Variants in ANKDD1A observed in about 807,000 individuals in gnomAD.
The protein encoded by ANKDD1A is ankyrin repeat and death domain containing 1A.
A neutral mutation model predicts 63.5 loss-of-function variants in ANKDD1A; 59 were observed. The ratio of observed to expected loss-of-function variants is 0.93; its 90% CI spans 0.75 to 1.15. The LOEUF (loss-of-function observed/expected upper bound fraction) is 1.15, where lower values mean the gene tolerates loss of function less well. Among genes scored for constraint, ANKDD1A ranks in the 50% most tolerant of loss-of-function variants. The pLI is 0.00. For missense variants in ANKDD1A, 632 were observed against 656.4 expected (o/e 0.96, Z 0.41); for synonymous variants, 266 against 263.9 (o/e 1.01, Z -0.08).
At chr15:64,918,435 G>A (rs972818137) in intron 3 of ANKDD1A, among the ~76,000 whole-genome samples, 1 of 152,128 alleles carries the variant, frequency 6.6e-6, no homozygotes, top group African/African-American at 2.4e-5. Context: ...CCCCAATCCT[G>A]TCTCCTCCCT....
chr15:64,951,340 C>CCTCTTT, intron 14 of ANKDD1A: 1 of 584,464 alleles, frequency 1.7e-6, no homozygotes, highest in Admixed American at 1.4e-4. Flanking sequence ...CTTTTTCTTT[C>CCTCTTT]TTCTTTCCTC....
intron 14 of ANKDD1A, among the ~76,000 whole-genome samples, chr15:64,951,984 ATTC>A (rs201296540): frequency 0.015 from 1,296 of 87,856 alleles, 9 homozygotes; most frequent in African/African-American, 0.023. Context: ...CTTCCTTCTT[ATTC>A]TTCTTTCTTT....
At chr15:64,935,450 C>T (rs572868813) in intron 9 of ANKDD1A, among the ~76,000 whole-genome samples, 21 of 151,886 alleles carry the variant, frequency 1.4e-4, no homozygotes, top group Admixed American at 9.8e-4. Context: ...CCGAGGCGGG[C>T]GGATCACGAG....
At chr15:64,953,615 C>CTTCTTCTTCTTCTTCTTAGTTCTTCTTAG (rs1555397855) in intron 14 of ANKDD1A, among the ~76,000 whole-genome samples, 3,141 of 108,956 alleles carry the variant, frequency 0.029, 206 homozygotes, top group African/African-American at 0.11. Flanking sequence ...TTCTTCTCTC[C>CTTCTTCTTCTTCTTCTTAGTTCTTCTTAG]TTCTTCTTCT....
At chr15:64,949,999 T>C in intron 14 of ANKDD1A, 27 bp downstream of exon 14, 1 of 1,601,878 alleles carries the variant, frequency 6.2e-7, no homozygotes. Context: ...CTGGGCTGCT[T>C]CTCAGGAGCT....
intron 4 of ANKDD1A, 56 bp from the exon 5 acceptor site, chr15:64,926,010 G>A: frequency 1.3e-6 from 2 of 1,487,978 alleles, no homozygotes; most frequent in Non-Finnish European, 1.8e-6. Flanking sequence ...GACTGGCAGT[G>A]TGTGAAAAGG....
chr15:64,943,600 C>T lies in ANKDD1A; in HGVS notation c.1065+18C>T. The stretch of plus-strand genomic sequence containing the variant: ...GAGATAAGGTACCTCTGCTTACAAC[C>T]CACCTCGCTTCAGGCTTTCATGGCT... On this transcript the variant is annotated intron_variant, in intron 11 of 14. Transcript: ENST00000319580. 1 of 1,611,602 alleles carries T rather than the reference C, an allele frequency of 6.2e-7. No individual in the cohort carries two copies. The highest frequency in any genetic ancestry group is 8.5e-7 in the Non-Finnish European group (1 of 1,177,726).
Position 64,917,329 on chromosome 15 carries a change from TG to T in ANKDD1A, c.139-55del, listed in dbSNP as rs1163884815. On this transcript the variant is annotated intron_variant, in intron 2 of 14. Coordinates refer to ENST00000319580, the MANE Select transcript of ANKDD1A (RefSeq NM_182703.6). Reference sequence around the variant, plus strand: ...CTGTCCTGGGGGAGGGTGTGGGAGGTGGTCCAGGCAGCCAGGTGGCAGCAGC... The same window carrying T: ...CTGTCCTGGGGGAGGGTGTGGGAGGTGTCCAGGCAGCCAGGTGGCAGCAGC... 9.8e-6 allele frequency: 15 copies of T among 1,529,842 alleles called. No homozygotes were observed. The East Asian group carries it at 3.3e-4, about 33-fold the overall frequency. The allele number at this position is 1,529,842 out of a possible 1,614,324, so 94.8% of individuals were successfully genotyped here.
chr15:64,942,231 T>A (rs1488020664), intron 9 of ANKDD1A, among the ~76,000 whole-genome samples: 4 of 152,200 alleles, frequency 2.6e-5, no homozygotes, highest in African/African-American at 9.6e-5. Context: ...GTTCCTGATA[T>A]AGCAGGTCTC....
In ANKDD1A at chr15:64,917,519, GTGTCTGTC is replaced by G. The variant is rs3057940; in HGVS notation, c.267+19_267+26del. 3.3e-6 allele frequency: 5 copies of G among 1,529,110 alleles called. No individual in the cohort carries two copies. The highest frequency in any genetic ancestry group is 2.5e-5 in the South Asian group (2 of 79,624). The allele number at this position is 1,529,110 out of a possible 1,614,324, so 94.7% of individuals were successfully genotyped here. ...CTCACAGAGGCACGTCTGTGTGTAC[GTGTCTGTC>G]TGTCTGTCTGTCTCAGGGTGGTGGG... On this transcript the variant is annotated splice_donor_region_variant and intron_variant, in intron 3 of 14. Coordinates refer to ENST00000319580, the MANE Select transcript of ANKDD1A (RefSeq NM_182703.6).
At chr15:64,915,203 G>A (rs900138888) in intron 1 of ANKDD1A, among the ~76,000 whole-genome samples, 1 of 152,184 alleles carries the variant, frequency 6.6e-6, no homozygotes, top group Non-Finnish European at 1.5e-5. Context: ...TACCGAGGAG[G>A]CTGAGGTGGG....
In ANKDD1A at chr15:64,929,201, T is replaced by TGCC. The variant is rs1359758761; in HGVS notation, c.571-1621_571-1620insGCC. 3.3e-5 allele frequency among the ~76,000 whole-genome samples: 5 copies of TGCC among 152,278 alleles called. No homozygotes were observed. The East Asian group carries it at 9.6e-4, about 29-fold the overall frequency. ...AATTCAATTTTTTTTTGAGACAAGA[T>TGCC]CTTACTCTGTTGCCCAGGCTGGAGT... is the stretch of plus-strand genomic sequence containing the variant. On this transcript the variant is annotated intron_variant, in intron 6 of 14. Coordinates refer to ENST00000319580, the MANE Select transcript of ANKDD1A (RefSeq NM_182703.6).
In ANKDD1A at chr15:64,922,005, C is replaced by T; in HGVS notation, c.352C>T (p.His118Tyr). ...QILVNSGAKI[H>Y]CESKDGLTLL... Reference sequence around the variant, plus strand: ...CTTGGTAAACTCAGGGGCCAAGATCCACTGTGAGAGCAAGGTAAGGCCTCA... The same window carrying T: ...CTTGGTAAACTCAGGGGCCAAGATCTACTGTGAGAGCAAGGTAAGGCCTCA... The change falls in exon 4 of 15, where the codon CAC (histidine) becomes TAC (tyrosine). Residue 118 changes from histidine to tyrosine, a missense_variant. By Grantham distance (83) the His-to-Tyr change is moderately conservative. Transcript: ENST00000319580. 6.2e-7 allele frequency: 1 copy of T among 1,614,168 alleles called. No individual in the cohort carries two copies. Among genetic ancestry groups the T allele is most frequent in the Non-Finnish European group, 8.5e-7 (1 of 1,180,008 alleles).
chr15:64,953,970 CT>C (rs1566918178), intron 14 of ANKDD1A, among the ~76,000 whole-genome samples: 6 of 15,622 alleles, frequency 3.8e-4, no homozygotes, highest in South Asian at 2.0e-3. Context: ...TTTTTTTCTT[CT>C]TTCTTCCTCT....
At chr15:64,927,901 G>A (rs2001634) in intron 6 of ANKDD1A, among the ~76,000 whole-genome samples, 6,448 of 152,124 alleles carry the variant, frequency 0.042, 473 homozygotes, top group African/African-American at 0.15. Context: ...CATCGCGCCC[G>A]GCCTGTTACA....
intron 12 of ANKDD1A, among the ~76,000 whole-genome samples, chr15:64,946,688 G>A (rs541144195): frequency 6.6e-6 from 1 of 152,250 alleles, no homozygotes; most frequent in South Asian, 2.1e-4. Flanking sequence ...GTGCAGATGG[G>A]GCTGAAAACA....
chr15:64,951,464 CT>C (rs1449876805), intron 14 of ANKDD1A: 4 of 32,134 alleles, frequency 1.2e-4, no homozygotes, highest in Non-Finnish European at 1.5e-4. Context: ...TTTCTTTTCT[CT>C]TTTTTCTTTT....
intron 4 of ANKDD1A, among the ~76,000 whole-genome samples, chr15:64,923,609 G>A (rs2085023794): frequency 6.6e-6 from 1 of 152,210 alleles, no homozygotes; most frequent in African/African-American, 2.4e-5. Flanking sequence ...AGTGGTGGGA[G>A]TGCCTGAAAG....
In ANKDD1A at chr15:64,930,863, T is replaced by C; in HGVS notation, c.612T>C (p.His204=). 6.2e-7 allele frequency: 1 copy of C among 1,613,144 alleles called. No homozygotes were observed. The highest frequency in any genetic ancestry group is 8.5e-7 in the Non-Finnish European group (1 of 1,179,968). Residue 204 remains histidine (H), a synonymous_variant, in exon 7 of 15, where the codon CAT becomes CAC. Coordinates refer to ENST00000319580, the MANE Select transcript of ANKDD1A (RefSeq NM_182703.6). ...TTCATCTGGCTGCTGGTCGGGGCCA[T>C]ATGGCTGTGCTGCAGCGACTTGTGG... ...TALHLAAGRG[H]MAVLQRLVDI...
Sources: gnomAD v4.1 joint callset for allele counts (sites outside exome capture counted in the v4.1 genomes callset) on GRCh38, gnomAD v4.1.1 for gene constraint, MANE v1.5 for transcripts, NCBI Gene and HGNC (gene_info 2026-07-23, HGNC 2026-07-21) for gene names.